The following MACROD1 variants were observed in gnomAD, a reference collection of about 807,000 sequenced individuals.
The protein encoded by MACROD1 is mono-ADP ribosylhydrolase 1.
Under a neutral mutation model 41.4 loss-of-function variants are expected in MACROD1, and 31 were observed. That is an observed-to-expected ratio of 0.75 (90% CI 0.56 to 1.01). The LOEUF (loss-of-function observed/expected upper bound fraction) is 1.01, where lower values mean the gene tolerates loss of function less well. MACROD1 is among the 50% of genes least tolerant of loss of function. The pLI is 0.00. For synonymous variants in MACROD1, 252 were observed against 203.4 expected, an observed-to-expected ratio of 1.24 and a Z score of -2.03; for missense variants, 473 against 460.0, an observed-to-expected ratio of 1.03 and a Z score of -0.26.
chr11:64,148,017 G>A (rs1342555597), intron 3 of MACROD1, among the ~76,000 whole-genome samples: 11 of 152,142 alleles, frequency 7.2e-5, no homozygotes, highest in South Asian at 4.1e-4. Flanking sequence ...GGGATTACAG[G>A]AGTGAGCTAC....
At chr11:64,140,903 G>C (rs1335513656) in intron 3 of MACROD1, among the ~76,000 whole-genome samples, 5 of 152,232 alleles carry the variant, frequency 3.3e-5, no homozygotes, top group Non-Finnish European at 1.5e-5. Flanking sequence ...GGGAGGCCTA[G>C]GCAGGAGGAT....
chr11:64,091,228 GGT>G (rs1944484805), intron 3 of MACROD1, among the ~76,000 whole-genome samples: 1 of 152,072 alleles, frequency 6.6e-6, no homozygotes, highest in Non-Finnish European at 1.5e-5. Flanking sequence ...TCCGCTGCAG[GGT>G]CTGCAGCCCA....
chr11:64,033,787 GC>G (rs1943324244), intron 3 of MACROD1, among the ~76,000 whole-genome samples: 4 of 152,072 alleles, frequency 2.6e-5, no homozygotes, highest in Admixed American at 2.6e-4. Flanking sequence ...GTTGCCATGA[GC>G]TGAGATCGTG....
chr11:64,159,015 G>A lies in MACROD1; in HGVS notation c.299-6622C>T, dbSNP rs533456522. Among the ~76,000 whole-genome samples the A allele has an allele frequency of 2.2e-4, 33 of 151,824 alleles. No homozygotes were observed. In the East Asian group the frequency reaches 3.5e-3, roughly 16 times the overall value. The stretch of plus-strand genomic sequence containing the variant: ...AGCCTGGCCAACATTGCAAAACCCC[G>A]TCTCTGCAAAAAATAGAAAAATGAG... On this transcript the variant is annotated intron_variant, in intron 1 of 10. Coordinates refer to ENST00000255681, the MANE Select transcript of MACROD1 (RefSeq NM_014067.4).
At chr11:64,015,742 A>G (rs1943072427) in intron 3 of MACROD1, among the ~76,000 whole-genome samples, 1 of 151,862 alleles carries the variant, frequency 6.6e-6, no homozygotes, top group South Asian at 2.1e-4. Flanking sequence ...AGCAAACTGC[A>G]CCTTTGCAAC....
chr11:64,066,643 G>GAA (rs942773480), intron 3 of MACROD1, among the ~76,000 whole-genome samples: 1 of 78,916 alleles, frequency 1.3e-5, no homozygotes, highest in African/African-American at 4.6e-5. Context: ...TCTTCAAAAA[G>GAA]AAAAAAAAAA....
intron 3 of MACROD1, among the ~76,000 whole-genome samples, chr11:64,115,381 CT>C (rs111536886): frequency 1.4e-3 from 200 of 145,784 alleles, no homozygotes; most frequent in South Asian, 3.7e-3. Flanking sequence ...AAACAGACCA[CT>C]TTTTTTTTTT....
rs1219727098 is a variant in MACROD1, at chr11:64,036,895, G to C, written c.518-21614C>G. Among the ~76,000 whole-genome samples the C allele has an allele frequency of 1.3e-5, 2 of 152,200 alleles. No individual in the cohort carries two copies. Among genetic ancestry groups the C allele is most frequent in the Non-Finnish European group, 2.9e-5 (2 of 68,034 alleles). On this transcript the variant is annotated intron_variant, in intron 3 of 10. Coordinates refer to ENST00000255681, the MANE Select transcript of MACROD1 (RefSeq NM_014067.4). The surrounding 1 kb of genome is among the most constrained non-coding windows in gnomAD (Gnocchi z 5.6). ...TCCTCGCGGGCACTGGAGACCCCGG[G>C]GAGGAAGGCTGGGGAGTGTTGTCGC...
chr11:64,159,625 T>C (rs1182837911), intron 1 of MACROD1, among the ~76,000 whole-genome samples: 2 of 151,400 alleles, frequency 1.3e-5, no homozygotes, highest in African/African-American at 4.9e-5. Context: ...AGAAACCCCG[T>C]CTCTACTAAA....
intron 4 of MACROD1, among the ~76,000 whole-genome samples, chr11:64,005,020 C>T (rs948782658): frequency 5.0e-4 from 34 of 67,628 alleles, no homozygotes; most frequent in Non-Finnish European, 9.8e-4. Context: ...AACTAAGATC[C>T]ACTTTATTTA....
intron 3 of MACROD1, among the ~76,000 whole-genome samples, chr11:64,065,997 C>G (rs142045959): frequency 6.6e-6 from 1 of 151,826 alleles, no homozygotes; most frequent in African/African-American, 2.4e-5. Flanking sequence ...TGCCAAGTGG[C>G]TATAAAGATG....
Position 64,041,199 on chromosome 11 carries a change from T to TAAAAAAAAAAAAAAAAA in MACROD1, c.518-25935_518-25919dup, listed in dbSNP as rs71045724. 5.1e-4 allele frequency among the ~76,000 whole-genome samples: 11 copies of TAAAAAAAAAAAAAAAAA among 21,606 alleles called. 2 individuals carry two copies. Among genetic ancestry groups the TAAAAAAAAAAAAAAAAA allele is most frequent in the South Asian group, 3.9e-3 (1 of 256 alleles). The allele number at this position is 21,606 out of a possible 152,430, so 14.2% of individuals were successfully genotyped here. A position where few individuals can be genotyped will look rare whatever the true frequency, so the allele number is the denominator to read the frequency against. ...AGATTACAACAGATTTAGCAAACTG[T>TAAAAAAAAAAAAAAAAA]AAAAAAAAAAAAAAAAAAAAAAAAA... On this transcript the variant is annotated intron_variant, in intron 3 of 10. Transcript: ENST00000255681.
At chr11:64,004,459 A>G (rs1384421721) in intron 4 of MACROD1, among the ~76,000 whole-genome samples, 1 of 152,182 alleles carries the variant, frequency 6.6e-6, no homozygotes, top group African/African-American at 2.4e-5. Flanking sequence ...AGCATTCCTC[A>G]TGCTAAACAA....
intron 3 of MACROD1, among the ~76,000 whole-genome samples, chr11:64,021,083 T>G (rs1378683711): frequency 1.3e-5 from 2 of 152,136 alleles, no homozygotes; most frequent in African/African-American, 4.8e-5. Context: ...CTTCCCCGGC[T>G]CTCAGCACAG....
intron 3 of MACROD1, among the ~76,000 whole-genome samples, chr11:64,022,699 C>T (rs1045984098): frequency 4.6e-5 from 7 of 152,192 alleles, no homozygotes; most frequent in East Asian, 1.9e-4. Context: ...CAAGCTCTGT[C>T]CCCCCAGGCC....
At chr11:64,102,987 G>A (rs672553) in intron 3 of MACROD1, among the ~76,000 whole-genome samples, 60,889 of 151,694 alleles carry the variant, frequency 0.4, 14,995 homozygotes, top group Non-Finnish European at 0.55. Flanking sequence ...AGGGGAATCG[G>A]TTGAACCTGG....
At chr11:64,110,389 G>A (rs769946240) in intron 3 of MACROD1, among the ~76,000 whole-genome samples, 3 of 151,762 alleles carry the variant, frequency 2.0e-5, no homozygotes, top group Non-Finnish European at 2.9e-5. Flanking sequence ...GGTCGAGGCT[G>A]CAGTGAGCCG....
chr11:64,141,896 C>T (rs1945419232), intron 3 of MACROD1, among the ~76,000 whole-genome samples: 1 of 152,180 alleles, frequency 6.6e-6, no homozygotes, highest in Admixed American at 6.5e-5. Context: ...TCTGCTTTGC[C>T]ACCTTCCTGC....
At chr11:64,050,840 A>G (rs1485795862) in intron 3 of MACROD1, among the ~76,000 whole-genome samples, 1 of 152,190 alleles carries the variant, frequency 6.6e-6, no homozygotes, top group Non-Finnish European at 1.5e-5. Context: ...GCTGGTCTCG[A>G]ACTCCTGACC....
Sources: allele counts gnomAD v4.1 joint callset (sites outside exome capture counted in the v4.1 genomes callset), GRCh38; gene constraint gnomAD v4.1.1; non-coding constraint Gnocchi (gnomAD v3.1); transcripts MANE v1.5; gene names NCBI Gene and HGNC (gene_info 2026-07-23, HGNC 2026-07-21).